Variants in GJA5 observed in about 807,000 individuals in gnomAD.
GJA5 encodes the protein gap junction protein alpha 5.
In GJA5, 3 loss-of-function variants were observed where a neutral mutation model predicts 7.9. That is an observed-to-expected ratio of 0.38 (90% CI 0.17 to 0.99). The LOEUF is 0.99. GJA5 is among the 50% of genes least tolerant of loss of function. The pLI, the probability that GJA5 is intolerant of heterozygous loss-of-function variation, is 0.38. For missense variants in GJA5, 390 were observed against 457.9 expected (o/e 0.85, Z 1.35); for synonymous variants, 193 against 181.0 (o/e 1.07, Z -0.53).
intron 1 of GJA5, among the ~76,000 whole-genome samples, chr1:147,770,744 G>T (rs1375289981): frequency 1.3e-5 from 2 of 151,898 alleles, no homozygotes; most frequent in Non-Finnish European, 2.9e-5. Flanking sequence ...CTCTCATTCT[G>T]CGACCTCCTG....
rs281860596 is a variant in GJA5, at chr1:147,758,409, C to T, written c.830G>A (p.Gly277Glu). 12 of 1,614,076 alleles carry T rather than the reference C, an allele frequency of 7.4e-6. 2 individuals carry two copies. The highest frequency in any genetic ancestry group is 6.6e-5 in the South Asian group (6 of 91,084). The change falls in exon 2 of 2, where the codon GGA becomes GAA. Residue 277 changes from glycine (G) to glutamate (E), a missense_variant. Gly to Glu is a moderately conservative substitution (Grantham distance 98). Transcript: ENST00000579774. ...ATTGCTGAAGGGATTGAAGAATTTT[C>T]CCCCAGGGCCATTCTCCAGGCACTG... ...FNQCLENGPGGKFFNPFSNNM... is the reference protein window; with the variant it reads ...FNQCLENGPGEKFFNPFSNNM...
intron 1 of GJA5, among the ~76,000 whole-genome samples, chr1:147,766,132 C>A (rs1664193675): frequency 6.6e-6 from 1 of 152,118 alleles, no homozygotes; most frequent in Non-Finnish European, 1.5e-5. Context: ...AGGTCTCACA[C>A]ACCTGAGAAT....
chr1:147,758,413 C>G lies in GJA5; in HGVS notation c.826G>C (p.Gly276Arg). ...CTGAAGGGATTGAAGAATTTTCCCC[C>G]AGGGCCATTCTCCAGGCACTGATTA... ...DFNQCLENGPGGKFFNPFSNN... is the reference protein window; with the variant it reads ...DFNQCLENGPRGKFFNPFSNN... Residue 276 changes from glycine (G) to arginine (R), a missense_variant, in exon 2 of 2, where the codon GGG (glycine) becomes CGG (arginine). Coordinates refer to ENST00000579774, the MANE Select transcript of GJA5 (RefSeq NM_181703.4). The G allele has an allele frequency of 6.2e-7, 1 of 1,614,128 alleles. No homozygotes were observed. The highest frequency in any genetic ancestry group is 8.5e-7 in the Non-Finnish European group (1 of 1,179,992).
chr1:147,759,318 G>A (rs1293269478), intron 1 of GJA5, 47 bp from the exon 2 acceptor site: 1 of 973,818 alleles, frequency 1.0e-6, no homozygotes, highest in African/African-American at 1.6e-5. Flanking sequence ...AGGATGTTCT[G>A]TGAAGGTCTG....
chr1:147,766,741 G>A (rs1353743913), intron 1 of GJA5, among the ~76,000 whole-genome samples: 2 of 152,048 alleles, frequency 1.3e-5, no homozygotes, highest in Non-Finnish European at 2.9e-5. Context: ...ACATGTTCTG[G>A]ACAGTATCTA....
chr1:147,764,672 A>G (rs1664134969), upstream of GJA5, among the ~76,000 whole-genome samples: 1 of 152,030 alleles, frequency 6.6e-6, no homozygotes, highest in Admixed American at 6.5e-5. Flanking sequence ...TAAAATTCAA[A>G]AATTAGCCCA....
intron 1 of GJA5, among the ~76,000 whole-genome samples, chr1:147,768,541 C>T (rs1553228550): frequency 6.6e-6 from 1 of 152,130 alleles, no homozygotes; most frequent in East Asian, 1.9e-4. Flanking sequence ...TTATAATACC[C>T]ACATTTCTTT....
At position 147,757,643 on chromosome 1, in the gene GJA5, C is replaced by T. The variant is rs1663790778; in HGVS notation, c.*519G>A. On this transcript the variant is annotated 3_prime_UTR_variant, in exon 2 of 2. Transcript: ENST00000579774. ...AGCCAAGGGCAACCCAAGGCCATCT[C>T]ACCACTACTCCGAGGAATGGTCCAT... 6.1e-6 allele frequency: 1 copy of T among 164,724 alleles called. No homozygotes were observed. The highest frequency in any genetic ancestry group is 1.3e-5 in the Non-Finnish European group (1 of 74,238). 10.2% of individuals were successfully genotyped at this position (164,724 alleles called of 1,614,324 possible).
rs1663772526 is a variant in GJA5 at position 147,757,178 on chromosome 1, T to C, written c.*984A>G. ...GGGGAATCTGAGAAGTACAATGCTT[T>C]CTTTGTTTTAACAAGGCCTGGGGAA... is the stretch of plus-strand genomic sequence containing the variant. On this transcript the variant is annotated 3_prime_UTR_variant, in exon 2 of 2. Transcript: ENST00000579774. 1.3e-5 allele frequency: 2 copies of C among 152,220 alleles called. No homozygotes were observed. The highest frequency in any genetic ancestry group is 4.1e-4 in the South Asian group (2 of 4,830). The allele number at this position is 152,220 out of a possible 1,614,324, so 9.4% of individuals were successfully genotyped here.
chr1:147,772,005 A>G (rs1664423848), intron 1 of GJA5, among the ~76,000 whole-genome samples: 1 of 152,150 alleles, frequency 6.6e-6, no homozygotes, highest in Admixed American at 6.5e-5. Flanking sequence ...TCAGGTTAGA[A>G]GGCCTCTAAA....
upstream of GJA5, among the ~76,000 whole-genome samples, chr1:147,765,274 G>A (rs1664158758): frequency 6.6e-6 from 1 of 152,190 alleles, no homozygotes; most frequent in Admixed American, 6.5e-5. Flanking sequence ...ACTCTGTGGG[G>A]TGATTGTTAT....
chr1:147,760,770 A>C (rs963104742), upstream of GJA5, among the ~76,000 whole-genome samples: 2 of 152,198 alleles, frequency 1.3e-5, no homozygotes, highest in African/African-American at 4.8e-5. Flanking sequence ...TCTCCTCTGC[A>C]GTTAGTTCTG....
At chr1:147,767,563 A>T (rs58392033) in intron 1 of GJA5, among the ~76,000 whole-genome samples, 141,261 of 144,764 alleles carry the variant, frequency 0.98, 68,937 homozygotes, top group Non-Finnish European at 1. Context: ...AATTTTTGTT[A>T]TTTTTTTTTT....
At chr1:147,770,263 C>T (rs1469559568) in intron 1 of GJA5, among the ~76,000 whole-genome samples, 1 of 152,180 alleles carries the variant, frequency 6.6e-6, no homozygotes, top group Non-Finnish European at 1.5e-5. Context: ...CCCTGAGCCT[C>T]ACTTTGCTCA....
Position 147,756,446 on chromosome 1 carries a change from C to T in GJA5, c.*1716G>A, listed in dbSNP as rs1663736540. ...ATGGCATCCTAGTCACTTTCCTCCA[C>T]CTCTCCACTCTCATTTATCTTTCCA... On this transcript the variant is annotated 3_prime_UTR_variant, in exon 2 of 2. Coordinates refer to ENST00000579774, the MANE Select transcript of GJA5 (RefSeq NM_181703.4). 6.6e-6 allele frequency: 1 copy of T among 152,218 alleles called. No homozygotes were observed. Among genetic ancestry groups the T allele is most frequent in the African/African-American group, 2.4e-5 (1 of 41,458 alleles). The allele number at this position is 152,218 out of a possible 1,614,324, so 9.4% of individuals were successfully genotyped here.
At chr1:147,772,079 A>C (rs1553229158) in intron 1 of GJA5, among the ~76,000 whole-genome samples, 1 of 152,034 alleles carries the variant, frequency 6.6e-6, no homozygotes, top group Non-Finnish European at 1.5e-5. Flanking sequence ...GCACCTCCAC[A>C]CGCTCCCCTT....
chr1:147,772,672 T>G (rs1259117843), intron 1 of GJA5, among the ~76,000 whole-genome samples: 1 of 151,636 alleles, frequency 6.6e-6, no homozygotes, highest in Non-Finnish European at 1.5e-5. Flanking sequence ...GCCTCTTTCC[T>G]CCGGCTGCAA....
At chr1:147,772,601 C>T (rs1664449055) in intron 1 of GJA5, among the ~76,000 whole-genome samples, 1 of 152,278 alleles carries the variant, frequency 6.6e-6, no homozygotes, top group African/African-American at 2.4e-5. Context: ...CTACTTCACA[C>T]CACAAGTGGA....
In GJA5 at chr1:147,758,605, G is replaced by A. The variant is rs1553226916; in HGVS notation, c.634C>T (p.Leu212=). ...AGGAGGGACAGTGCAGCCACAGCCA[G>A]CATAAAGACAATGAAGACATTCTTC... The part of the protein sequence containing the change: ...TEKNVFIVFM[L]AVAALSLLLS... Residue 212 remains leucine, a synonymous_variant, in exon 2 of 2, where the codon CTG becomes TTG. Transcript: ENST00000579774. 6.2e-7 allele frequency: 1 copy of A among 1,614,124 alleles called. No homozygotes were observed. The highest frequency in any genetic ancestry group is 1.7e-5 in the Admixed American group (1 of 60,020).
Sources: gnomAD v4.1 joint callset for allele counts (sites outside exome capture counted in the v4.1 genomes callset) on GRCh38, gnomAD v4.1.1 for gene constraint, MANE v1.5 for transcripts, NCBI Gene and HGNC (gene_info 2026-07-23, HGNC 2026-07-21) for gene names.